The following TUBGCP2 variants were observed in gnomAD, a reference collection of about 807,000 sequenced individuals.
TUBGCP2 encodes gamma-tubulin complex component 2.
A neutral mutation model predicts 92.2 loss-of-function variants in TUBGCP2; 55 were observed. The observed-to-expected ratio is 0.60, with a 90% CI of 0.48 to 0.75. The LOEUF is 0.75. Among genes scored for constraint, TUBGCP2 ranks in the 30% least tolerant of loss-of-function variants. TUBGCP2 has a pLI of 0.00. For missense variants in TUBGCP2, 1,093 were observed against 1,188.9 expected (o/e 0.92, Z 1.19); for synonymous variants, 533 against 505.2 (o/e 1.06, Z -0.74).
Position 133,304,246 on chromosome 10 carries a change from G to A in TUBGCP2, c.-39-1266C>T, listed in dbSNP as rs186114141. Among the ~76,000 whole-genome samples, 122 of 152,250 alleles carry A rather than the reference G, an allele frequency of 8.0e-4. 1 individual carries two copies. Among genetic ancestry groups the A allele is most frequent in the South Asian group, 1.9e-3 (9 of 4,826 alleles). ...CTCGGGAGGCTGAGGTGGGAGGATC[G>A]CTTGAGCCACTCCAGCCTGGGCGAC... On this transcript the variant is annotated intron_variant, in intron 1 of 17. Coordinates refer to ENST00000252936, the MANE Select transcript of TUBGCP2 (RefSeq NM_006659.4).
At chr10:133,306,150 A>G (rs892230092) in intron 1 of TUBGCP2, among the ~76,000 whole-genome samples, 1 of 152,244 alleles carries the variant, frequency 6.6e-6, no homozygotes, top group African/African-American at 2.4e-5. Flanking sequence ...TAGGTTTACA[A>G]AAGGAAAATT....
At chr10:133,298,682 C>G (rs1399296075) in intron 4 of TUBGCP2, among the ~76,000 whole-genome samples, 1 of 152,266 alleles carries the variant, frequency 6.6e-6, no homozygotes, top group East Asian at 1.9e-4. Flanking sequence ...CTGACTCCCA[C>G]TCAGGGCTGG....
rs1186096894 is a variant in TUBGCP2, at chr10:133,281,205, C to T, written c.2573+68G>A. 25 of 1,546,294 alleles carry T rather than the reference C, an allele frequency of 1.6e-5. No individual in the cohort carries two copies. In the Admixed American group the frequency reaches 2.6e-4, roughly 16 times the overall value. Reference sequence around the variant, plus strand: ...GAGCTGAGGAAGGGCTGAGCCAGGGCGGTGCTGGGCAGGGGCAGGCGCTGG... The same window carrying T: ...GAGCTGAGGAAGGGCTGAGCCAGGGTGGTGCTGGGCAGGGGCAGGCGCTGG... On this transcript the variant is annotated intron_variant, in intron 17 of 17. Coordinates refer to ENST00000252936, the MANE Select transcript of TUBGCP2 (RefSeq NM_006659.4).
At position 133,308,827 on chromosome 10, in the gene TUBGCP2, G is replaced by A. The variant is rs935391835; in HGVS notation, c.-44C>T. ...CCGCGTTCGGCCAGGACTCACCGCA[G>A]TCCCGGAGCCACAGCCCCCGCGCAG... On this transcript the variant is annotated 5_prime_UTR_variant, in exon 1 of 18. Coordinates refer to ENST00000252936, the MANE Select transcript of TUBGCP2 (RefSeq NM_006659.4). The A allele has an allele frequency of 3.2e-6, 3 of 928,592 alleles. No homozygotes were observed. Among genetic ancestry groups the A allele is most frequent in the South Asian group, 1.1e-4 (2 of 18,186 alleles). 57.5% of individuals were successfully genotyped at this position (928,592 alleles called of 1,614,324 possible).
At position 133,282,202 on chromosome 10, in the gene TUBGCP2, C is replaced by T. The variant is rs1229180456; in HGVS notation, c.2409+21G>A. The T allele has an allele frequency of 2.5e-6, 4 of 1,611,208 alleles. No individual in the cohort carries two copies. The African/African-American group carries it at 5.3e-5, about 22-fold the overall frequency. On this transcript the variant is annotated intron_variant, in intron 16 of 17. Transcript: ENST00000252936. ...GCCGGGAGGAAGCGTCTCTCTCTGG[C>T]CAAACCTGGAGGCCACGCACCTTCC...
At chr10:133,311,879 A>T (rs200780550), upstream of TUBGCP2, 1 of 1,613,106 alleles carries the variant, frequency 6.2e-7, no homozygotes, top group Non-Finnish European at 8.5e-7. Flanking sequence ...CGTTCTCAAC[A>T]TGTGTTCGGT....
intron 8 of TUBGCP2, among the ~76,000 whole-genome samples, chr10:133,291,287 C>CCG (rs1564938878): frequency 2.5e-5 from 2 of 78,886 alleles, no homozygotes; most frequent in Admixed American, 1.4e-4. Context: ...CTCCGTGTCC[C>CCG]TGTGTCCCGG....
chr10:133,302,824 C>G lies in TUBGCP2; in HGVS notation c.118G>C (p.Val40Leu). ...CTGTGAGCAGAGACAGTGGTAGTGA[C>G]GTACGGGGTCCTGTTCTTTTGAAGC... Reference protein sequence around the residue: ...DLLQKNRTPYVTTTVSAHSAK... With the variant: ...DLLQKNRTPYLTTTVSAHSAK... The change falls in exon 2 of 18, where the codon GTC becomes CTC. Residue 40 changes from valine (V) to leucine (L), a missense_variant. Val to Leu is a conservative substitution (Grantham distance 32). This residue lies in a region of TUBGCP2 where 490 missense variants were observed against 488.5 expected (regional missense o/e 1.00). Transcript: ENST00000252936. The G allele has an allele frequency of 3.1e-6, 5 of 1,613,148 alleles. No homozygotes were observed. The highest frequency in any genetic ancestry group is 4.2e-6 in the Non-Finnish European group (5 of 1,179,992).
upstream of TUBGCP2, chr10:133,309,851 C>G (rs767566348): frequency 6.2e-7 from 1 of 1,613,834 alleles, no homozygotes; most frequent in South Asian, 1.1e-5. Flanking sequence ...AGCACCACTA[C>G]CACACGCTGC....
At chr10:133,301,415 G>A (rs1279927366) in intron 2 of TUBGCP2, among the ~76,000 whole-genome samples, 2 of 152,056 alleles carry the variant, frequency 1.3e-5, no homozygotes, top group African/African-American at 2.4e-5. Flanking sequence ...GTGAGCGACC[G>A]TGCCCAGCAG....
At chr10:133,282,403 A>C in intron 15 of TUBGCP2, 61 bp from the exon 16 acceptor site, 1 of 1,525,964 alleles carries the variant, frequency 6.6e-7, no homozygotes, top group African/African-American at 1.4e-5. Context: ...GCTTTGCAGA[A>C]AAAACAAGTC....
intron 11 of TUBGCP2, among the ~76,000 whole-genome samples, chr10:133,286,620 C>T (rs138540652): frequency 3.2e-3 from 490 of 152,238 alleles, no homozygotes; most frequent in African/African-American, 0.011. Context: ...CCCGCGCGCA[C>T]GGAACACTCT....
At chr10:133,302,141 T>A (rs1201667646) in intron 2 of TUBGCP2, 2 of 157,050 alleles carry the variant, frequency 1.3e-5, no homozygotes, top group Non-Finnish European at 2.8e-5. Context: ...CATTTACTCA[T>A]CTGCACAGTG....
chr10:133,292,189 G>A (rs374902143), intron 8 of TUBGCP2, among the ~76,000 whole-genome samples: 38 of 334 alleles, frequency 0.11, 5 homozygotes, highest in Admixed American at 0.19. Flanking sequence ...CGTGTCCCCC[G>A]TGTCCCTCCG....
chr10:133,295,598 G>C (rs1050512477), intron 5 of TUBGCP2: 2 of 152,382 alleles, frequency 1.3e-5, no homozygotes, highest in Non-Finnish European at 2.9e-5. Flanking sequence ...GGCAGGACGC[G>C]GGCAGATAAC....
intron 1 of TUBGCP2, among the ~76,000 whole-genome samples, chr10:133,307,276 C>T (rs1025121302): frequency 2.0e-5 from 3 of 152,214 alleles, no homozygotes; most frequent in African/African-American, 7.2e-5. Context: ...CTCACAGAGG[C>T]TGTGAGCTAC....
chr10:133,289,068 A>G (rs1047112276), intron 9 of TUBGCP2, 48 bp from the exon 10 acceptor site: 19 of 1,569,400 alleles, frequency 1.2e-5, no homozygotes, highest in Non-Finnish European at 1.7e-5. Flanking sequence ...GGTCGATCTC[A>G]GGCCCCAGCT....
At chr10:133,301,135 G>A (rs944657782) in intron 2 of TUBGCP2, among the ~76,000 whole-genome samples, 2 of 152,148 alleles carry the variant, frequency 1.3e-5, no homozygotes, top group African/African-American at 4.8e-5. Context: ...TAGGGGTTAT[G>A]CTTTTTCTTT....
rs1437797351 is a variant in TUBGCP2 at position 133,297,896 on chromosome 10, G to T, written c.616+56C>A. Reference sequence around the variant, plus strand: ...ATGACATACCTATCGGCAGAGCCCGGAAATCAACGCATCACGTACCTATCG... The same window carrying T: ...ATGACATACCTATCGGCAGAGCCCGTAAATCAACGCATCACGTACCTATCG... On this transcript the variant is annotated intron_variant, in intron 5 of 17. Transcript: ENST00000252936. The T allele has an allele frequency of 2.5e-6, 4 of 1,592,570 alleles. No individual in the cohort carries two copies. In the African/African-American group the frequency reaches 5.4e-5, roughly 21 times the overall value.
Sources: allele counts gnomAD v4.1 joint callset (sites outside exome capture counted in the v4.1 genomes callset), GRCh38; gene constraint gnomAD v4.1.1; regional missense constraint gnomAD v4.1.1; transcripts MANE v1.5; gene names NCBI Gene and HGNC (gene_info 2026-07-23, HGNC 2026-07-21).